The following SSBP2 variants were observed in gnomAD, a reference collection of about 807,000 sequenced individuals.
The protein encoded by SSBP2 is single-stranded DNA-binding protein 2.
Under a neutral mutation model 61.8 loss-of-function variants are expected in SSBP2, and 17 were observed. The ratio of observed to expected loss-of-function variants is 0.28; its 90% CI spans 0.19 to 0.41. SSBP2 has a LOEUF of 0.41. Among genes scored for constraint, SSBP2 ranks in the 10% least tolerant of loss-of-function variants. The probability of loss-of-function intolerance (pLI) is 1.00; values close to 1 mark genes in which losing one functional copy is unlikely to be tolerated. For missense variants in SSBP2, 310 were observed against 458.7 expected (o/e 0.68, Z 2.96); for synonymous variants, 139 against 141.3 (o/e 0.98, Z 0.12).
At chr5:81,550,262 T>TA (rs1164509259) in intron 4 of SSBP2, among the ~76,000 whole-genome samples, 1 of 152,220 alleles carries the variant, frequency 6.6e-6, no homozygotes, top group Admixed American at 6.5e-5. Context: ...TTATTTAACA[T>TA]AATCAAGTTT....
chr5:81,454,478 C>G (rs891767771), intron 10 of SSBP2, among the ~76,000 whole-genome samples: 1 of 152,082 alleles, frequency 6.6e-6, no homozygotes, highest in Non-Finnish European at 1.5e-5. Flanking sequence ...GTCAGGAATT[C>G]GAGACCAGCG....
chr5:81,656,441 T>C (rs1257297525), intron 1 of SSBP2, among the ~76,000 whole-genome samples: 1 of 152,172 alleles, frequency 6.6e-6, no homozygotes, highest in Non-Finnish European at 1.5e-5. Flanking sequence ...ATAAAGGACA[T>C]AACATATAGC....
At chr5:81,651,360 T>C (rs1749712233) in intron 1 of SSBP2, among the ~76,000 whole-genome samples, 1 of 152,152 alleles carries the variant, frequency 6.6e-6, no homozygotes, top group Non-Finnish European at 1.5e-5. Flanking sequence ...ATTTTCCTTA[T>C]TTTCATGAAA....
chr5:81,704,985 T>G (rs1754266721), intron 1 of SSBP2, among the ~76,000 whole-genome samples: 1 of 152,082 alleles, frequency 6.6e-6, no homozygotes, highest in Admixed American at 6.5e-5. Flanking sequence ...TATGGAGACC[T>G]TTTTGTGCAG....
Position 81,622,158 on chromosome 5 carries a change from T to G in SSBP2, c.198-6601A>C, listed in dbSNP as rs1191659172. Among the ~76,000 whole-genome samples the G allele has an allele frequency of 2.0e-5, 3 of 151,788 alleles. No individual in the cohort carries two copies. In the East Asian group the frequency reaches 5.8e-4, roughly 29 times the overall value. On this transcript the variant is annotated intron_variant, in intron 3 of 16. Coordinates refer to ENST00000320672, the MANE Select transcript of SSBP2 (RefSeq NM_012446.5). ...AAAGAAAATACATTGTTAACACTTC[T>G]TTTTTTCTCCTATTCAAGAACAGTG...
intron 3 of SSBP2, among the ~76,000 whole-genome samples, chr5:81,634,284 T>C (rs1220965550): frequency 6.6e-6 from 1 of 152,252 alleles, no homozygotes; most frequent in Non-Finnish European, 1.5e-5. Context: ...ATCCCAGGTC[T>C]TCAGATAAAC....
chr5:81,585,637 T>C (rs1308835341), intron 4 of SSBP2, among the ~76,000 whole-genome samples: 3 of 152,154 alleles, frequency 2.0e-5, no homozygotes, highest in African/African-American at 7.2e-5. Flanking sequence ...TTAACATATC[T>C]ATTTCCTCAC....
At chr5:81,425,393 A>G in intron 16 of SSBP2, among the ~76,000 whole-genome samples, 1 of 152,202 alleles carries the variant, frequency 6.6e-6, no homozygotes, top group Non-Finnish European at 1.5e-5. Flanking sequence ...ATTGGGGCTG[A>G]TGTGATTTCT....
chr5:81,507,568 A>C (rs1768274969), intron 5 of SSBP2, among the ~76,000 whole-genome samples: 1 of 152,262 alleles, frequency 6.6e-6, no homozygotes, highest in Admixed American at 6.5e-5. Flanking sequence ...TATTATCCAC[A>C]TTAGCACCTA....
At chr5:81,515,783 G>A (rs1041906001) in intron 4 of SSBP2, among the ~76,000 whole-genome samples, 1 of 150,604 alleles carries the variant, frequency 6.6e-6, no homozygotes. Flanking sequence ...TGTTTCCTGG[G>A]TTTTTTTTCT....
At position 81,528,404 on chromosome 5, in the gene SSBP2, A is replaced by C. The variant is rs1199987531; in HGVS notation, c.283-14687T>G. On this transcript the variant is annotated intron_variant, in intron 4 of 16. Transcript: ENST00000320672. ...TTTCTAAACAGGCTTGGATAGTCTTAAAGGACATTAAAGTACAATAAATTA... is the reference window on the plus strand; with the variant it reads ...TTTCTAAACAGGCTTGGATAGTCTTCAAGGACATTAAAGTACAATAAATTA... Among the ~76,000 whole-genome samples the C allele has an allele frequency of 8.4e-4, 128 of 152,084 alleles. 1 individual carries two copies. The highest frequency in any genetic ancestry group is 2.9e-5 in the Non-Finnish European group (2 of 67,980).
chr5:81,642,116 C>G (rs1300728189), intron 2 of SSBP2, among the ~76,000 whole-genome samples: 2 of 152,054 alleles, frequency 1.3e-5, no homozygotes, highest in Non-Finnish European at 2.9e-5. Flanking sequence ...TGAGGAATGG[C>G]CAGAAAATAT....
chr5:81,655,351 A>C (rs1750121527), intron 1 of SSBP2, among the ~76,000 whole-genome samples: 1 of 152,178 alleles, frequency 6.6e-6, no homozygotes, highest in Admixed American at 6.5e-5. Flanking sequence ...AGCTAATGTG[A>C]TCTAAATACA....
At chr5:81,715,191 AGAAC>A (rs1755093978) in intron 1 of SSBP2, among the ~76,000 whole-genome samples, 1 of 152,164 alleles carries the variant, frequency 6.6e-6, no homozygotes, top group Non-Finnish European at 1.5e-5. Context: ...CAAAATCAAA[AGAAC>A]TAACTCAATA....
chr5:81,542,836 TC>T (rs1193283680), intron 4 of SSBP2, among the ~76,000 whole-genome samples: 3 of 149,648 alleles, frequency 2.0e-5, no homozygotes, highest in Non-Finnish European at 3.0e-5. Context: ...TCTCTCTCTC[TC>T]TCTCTCTCTC....
chr5:81,653,577 G>A (rs1204533904), intron 1 of SSBP2, among the ~76,000 whole-genome samples: 5 of 152,150 alleles, frequency 3.3e-5, no homozygotes, highest in African/African-American at 1.2e-4. Context: ...GTGTAAAAGT[G>A]TTCCTATTTC....
At chr5:81,746,653 G>A (rs1757367213) in intron 1 of SSBP2, among the ~76,000 whole-genome samples, 1 of 152,020 alleles carries the variant, frequency 6.6e-6, no homozygotes, top group African/African-American at 2.4e-5. Context: ...TAAGCATATG[G>A]TATTTGCTTC....
At chr5:81,525,230 T>C (rs1344037552) in intron 4 of SSBP2, among the ~76,000 whole-genome samples, 4 of 152,080 alleles carry the variant, frequency 2.6e-5, no homozygotes, top group African/African-American at 4.8e-5. Flanking sequence ...GTTTGCTATA[T>C]AGGTAATTTC....
chr5:81,647,462 C>T (rs1749366700), intron 2 of SSBP2, among the ~76,000 whole-genome samples: 2 of 152,140 alleles, frequency 1.3e-5, no homozygotes, highest in Admixed American at 6.5e-5. Context: ...TATTATTTTA[C>T]ATTATTAAAA....
Sources: allele counts gnomAD v4.1 joint callset (sites outside exome capture counted in the v4.1 genomes callset), GRCh38; gene constraint gnomAD v4.1.1; transcripts MANE v1.5; gene names NCBI Gene and HGNC (gene_info 2026-07-23, HGNC 2026-07-21).